The following HAS2 variants were observed in gnomAD, a reference collection of about 807,000 sequenced individuals.
HAS2 encodes hyaluronan synthase 2.
Under a neutral mutation model 51.6 loss-of-function variants are expected in HAS2, and 16 were observed. That is an observed-to-expected ratio of 0.31 (90% CI 0.21 to 0.47). The LOEUF (loss-of-function observed/expected upper bound fraction) is 0.47, where lower values mean the gene tolerates loss of function less well. HAS2 is among the 20% of genes least tolerant of loss of function. The probability of loss-of-function intolerance (pLI) is 1.00; values close to 1 mark genes in which losing one functional copy is unlikely to be tolerated. For synonymous variants in HAS2, 228 were observed against 235.5 expected (o/e 0.97, Z 0.29); for missense variants, 361 against 662.6 (o/e 0.54, Z 5.00).
intron 2 of HAS2, among the ~76,000 whole-genome samples, chr8:121,623,034 A>T (rs893443812): frequency 1.3e-5 from 2 of 152,040 alleles, no homozygotes; most frequent in South Asian, 4.1e-4. Flanking sequence ...CTTCCCTTGT[A>T]GTAATTTGGT....
rs922045632 is a variant in HAS2 at position 121,612,247 on chromosome 8, T to C, written c.*1862A>G. The C allele has an allele frequency of 2.0e-5, 3 of 152,220 alleles. No individual in the cohort carries two copies. Among genetic ancestry groups the C allele is most frequent in the African/African-American group, 7.2e-5 (3 of 41,466 alleles). 9.4% of individuals were successfully genotyped at this position (152,220 alleles called of 1,614,324 possible). A position where few individuals can be genotyped will look rare whatever the true frequency, so the allele number is the denominator to read the frequency against. ...TTTATAAGAATGAGAGAATTTGACA[T>C]TTGAATGTTATCAAAGCTTAACTTA... On this transcript the variant is annotated 3_prime_UTR_variant, in exon 4 of 4. Transcript: ENST00000303924.
intron 1 of HAS2, chr8:121,639,743 C>T (rs538670654): frequency 6.6e-6 from 1 of 152,458 alleles, no homozygotes; most frequent in South Asian, 2.1e-4. Flanking sequence ...TTCAGACCCG[C>T]CCTCCTGTTC....
At position 121,619,864 on chromosome 8, in the gene HAS2, A is replaced by C. The variant is rs1812751815; in HGVS notation, c.628-2658T>G. Reference sequence around the variant, plus strand: ...GTAAAACCAGGCTAAAATAAGACTAAAAACAACAGGAAGAGGGCAATCCAG... The same window carrying C: ...GTAAAACCAGGCTAAAATAAGACTACAAACAACAGGAAGAGGGCAATCCAG... On this transcript the variant is annotated intron_variant, in intron 2 of 3. Coordinates refer to ENST00000303924, the MANE Select transcript of HAS2 (RefSeq NM_005328.3). Among the ~76,000 whole-genome samples the C allele has an allele frequency of 6.6e-5, 10 of 152,200 alleles. 1 individual carries two copies. Among genetic ancestry groups the C allele is most frequent in the Non-Finnish European group, 1.5e-5 (1 of 68,026 alleles).
chr8:121,639,083 G>A (rs1028681169), intron 1 of HAS2, among the ~76,000 whole-genome samples: 9 of 152,198 alleles, frequency 5.9e-5, no homozygotes, highest in African/African-American at 1.9e-4. Context: ...CTGAGCCAAA[G>A]CCTTGGAATG....
In HAS2 at chr8:121,628,858, A is replaced by G. The variant is rs771543967; in HGVS notation, c.483T>C (p.Asp161=). ...NFHEKGPGET[D]ESHKESSQHV... ...GTTGCGAGCTTTCTTTATGTGACTC[A>G]TCTGTCTCACCGGGACCCTTTTCGT... is the stretch of plus-strand genomic sequence containing the variant. The change falls in exon 2 of 4, where the codon GAT becomes GAC. Residue 161 remains aspartate (D), a synonymous_variant. Transcript: ENST00000303924. The G allele has an allele frequency of 6.2e-7, 1 of 1,614,122 alleles. No homozygotes were observed.
chr8:121,633,136 C>CTT (rs71816016), intron 1 of HAS2, among the ~76,000 whole-genome samples: 17,621 of 127,880 alleles, frequency 0.14, 1,464 homozygotes, highest in Middle Eastern at 0.16. Flanking sequence ...GTTTCCCTAC[C>CTT]TTTTTTTTTT....
chr8:121,630,572 A>C (rs554081865), intron 1 of HAS2, among the ~76,000 whole-genome samples: 2 of 152,144 alleles, frequency 1.3e-5, no homozygotes, highest in Non-Finnish European at 2.9e-5. Flanking sequence ...TATAAATGCA[A>C]TATCTTCATC....
chr8:121,623,608 A>G (rs1038220621), intron 2 of HAS2, among the ~76,000 whole-genome samples: 3 of 152,196 alleles, frequency 2.0e-5, no homozygotes, highest in African/African-American at 4.8e-5. Context: ...TTTGCTAGAT[A>G]TAATTAAGAT....
intron 1 of HAS2, among the ~76,000 whole-genome samples, chr8:121,637,523 T>TG (rs1321026845): frequency 6.6e-6 from 1 of 151,760 alleles, no homozygotes; most frequent in African/African-American, 2.4e-5. Context: ...CCCCAGTAGC[T>TG]GGGATTACAG....
intron 2 of HAS2, among the ~76,000 whole-genome samples, chr8:121,620,143 C>T (rs1298609116): frequency 6.6e-6 from 1 of 152,140 alleles, no homozygotes; most frequent in Non-Finnish European, 1.5e-5. Flanking sequence ...GATTTAACAG[C>T]TTTAAAATTT....
intron 2 of HAS2, among the ~76,000 whole-genome samples, chr8:121,624,871 G>A (rs527729949): frequency 1.3e-5 from 2 of 152,216 alleles, no homozygotes; most frequent in East Asian, 1.9e-4. Flanking sequence ...CGAGGCGGGT[G>A]GATCACGAGG....
intron 1 of HAS2, among the ~76,000 whole-genome samples, chr8:121,631,887 G>C (rs550102722): frequency 7.2e-5 from 11 of 152,336 alleles, no homozygotes; most frequent in African/African-American, 2.2e-4. Context: ...ACCATAGCCA[G>C]CAAAAGAACT....
In HAS2 at chr8:121,617,167, C is replaced by T. The variant is rs761285779; in HGVS notation, c.667G>A (p.Val223Met). The T allele has an allele frequency of 4.2e-5, 67 of 1,612,566 alleles. No homozygotes were observed. Among genetic ancestry groups the T allele is most frequent in the Non-Finnish European group, 5.6e-5 (66 of 1,178,736 alleles). The change falls in exon 3 of 4, where the codon GTG becomes ATG. Residue 223 changes from valine to methionine, a missense_variant. Val to Met is a conservative substitution (Grantham distance 21). This residue lies in a region of HAS2 where 49 missense variants were observed against 108.3 expected (regional missense o/e 0.45). Coordinates refer to ENST00000303924, the MANE Select transcript of HAS2 (RefSeq NM_005328.3). ...SDTMLDPASS[V>M]EMVKVLEEDP... ...TCTTCTAAAACTTTTACCATCTCCA[C>T]AGATGAGGCTGGGTCAAGCATAGTG...
intron 2 of HAS2, among the ~76,000 whole-genome samples, chr8:121,619,071 C>G (rs1366440455): frequency 6.6e-6 from 1 of 151,766 alleles, no homozygotes; most frequent in African/African-American, 2.4e-5. Flanking sequence ...CTAAGGAATC[C>G]CAACATTTTT....
Position 121,614,874 on chromosome 8 carries a change from A to G in HAS2, c.894T>C (p.Asp298=), listed in dbSNP as rs1382613098. The part of the protein sequence containing the change: ...RNSLLHEFVE[D]WYNQEFMGNQ... ...TGCCCATAAATTCTTGATTGTACCA[A>G]TCTTCCACAAACTCATGCAACAAGG... is the stretch of plus-strand genomic sequence containing the variant. The change falls in exon 4 of 4, where the codon GAT becomes GAC. Residue 298 remains aspartate, a synonymous_variant. Transcript: ENST00000303924. The surrounding 1 kb of genome is among the most constrained non-coding windows in gnomAD (Gnocchi z 7.2). 6 of 1,614,162 alleles carry G rather than the reference A, an allele frequency of 3.7e-6. No homozygotes were observed. The highest frequency in any genetic ancestry group is 4.5e-5 in the East Asian group (2 of 44,870).
chr8:121,634,814 T>C (rs1812987789), intron 1 of HAS2, among the ~76,000 whole-genome samples: 1 of 151,774 alleles, frequency 6.6e-6, no homozygotes, highest in Non-Finnish European at 1.5e-5. Context: ...GTAATGGTTA[T>C]GGGGAGTCCC....
intron 1 of HAS2, chr8:121,639,153 C>T (rs1176541308): frequency 6.6e-6 from 1 of 152,234 alleles, no homozygotes; most frequent in Non-Finnish European, 1.5e-5. Flanking sequence ...TCAGCAAAGC[C>T]CATCTACCAA....
chr8:121,632,586 T>C (rs1174169589), intron 1 of HAS2, among the ~76,000 whole-genome samples: 2 of 152,202 alleles, frequency 1.3e-5, no homozygotes, highest in Non-Finnish European at 2.9e-5. Flanking sequence ...CAGCTTGCTA[T>C]ACTATAATGT....
rs71816016 is a variant in HAS2, at chr8:121,633,136, C to CTTTTT, written c.1-3801_1-3797dup. ...CAAACTTTGAAAATTGTTTCCCTAC[C>CTTTTT]TTTTTTTTTTTTTTTTTTTGAGATG... On this transcript the variant is annotated intron_variant, in intron 1 of 3. Coordinates refer to ENST00000303924, the MANE Select transcript of HAS2 (RefSeq NM_005328.3). 5.5e-5 allele frequency among the ~76,000 whole-genome samples: 7 copies of CTTTTT among 128,038 alleles called. 1 individual carries two copies. Among genetic ancestry groups the CTTTTT allele is most frequent in the Admixed American group, 8.3e-5 (1 of 12,066 alleles). The allele number at this position is 128,038 out of a possible 152,430, so 84.0% of individuals were successfully genotyped here. A position where few individuals can be genotyped will look rare whatever the true frequency, so the allele number is the denominator to read the frequency against.
Sources: allele counts gnomAD v4.1 joint callset (sites outside exome capture counted in the v4.1 genomes callset), GRCh38; gene constraint gnomAD v4.1.1; regional missense constraint gnomAD v4.1.1; non-coding constraint Gnocchi (gnomAD v3.1); transcripts MANE v1.5; gene names NCBI Gene and HGNC (gene_info 2026-07-23, HGNC 2026-07-21).